The following FAR2 variants were observed in gnomAD, a reference collection of about 807,000 sequenced individuals.
FAR2 encodes the protein fatty acyl-CoA reductase 2.
Under a neutral mutation model 56.0 loss-of-function variants are expected in FAR2, and 19 were observed. The ratio of observed to expected loss-of-function variants is 0.34; its 90% CI spans 0.24 to 0.50. The LOEUF (loss-of-function observed/expected upper bound fraction) is 0.50. FAR2 is among the 20% of genes least tolerant of loss of function. The probability of loss-of-function intolerance (pLI) is 0.98; values close to 1 mark genes in which losing one functional copy is unlikely to be tolerated. For missense variants in FAR2, 508 were observed against 642.2 expected (o/e 0.79, Z 2.26); for synonymous variants, 219 against 218.8 (o/e 1.00, Z -0.01).
At chr12:29,327,129 A>T (rs1244123041) in intron 10 of FAR2, among the ~76,000 whole-genome samples, 2 of 152,246 alleles carry the variant, frequency 1.3e-5, no homozygotes, top group Non-Finnish European at 2.9e-5. Context: ...GGAGAGCCAA[A>T]TCATGAGTAA....
chr12:29,261,398 A>G (rs1053364112), intron 1 of FAR2, among the ~76,000 whole-genome samples: 7 of 152,196 alleles, frequency 4.6e-5, no homozygotes, highest in Non-Finnish European at 8.8e-5. Flanking sequence ...ACAAAAGATA[A>G]AAGAAGAAAA....
At chr12:29,228,491 C>T (rs535825980) in intron 1 of FAR2, among the ~76,000 whole-genome samples, 6 of 152,140 alleles carry the variant, frequency 3.9e-5, no homozygotes, top group Non-Finnish European at 8.8e-5. Flanking sequence ...ATGATTCATT[C>T]AAATTTGCTT....
At chr12:29,151,603 A>G (rs1949681909) in intron 1 of FAR2, 1 of 152,212 alleles carries the variant, frequency 6.6e-6, no homozygotes, top group Non-Finnish European at 1.5e-5. Context: ...ACTGGGTCCT[A>G]CAAATTATAT....
intron 1 of FAR2, among the ~76,000 whole-genome samples, chr12:29,254,970 T>C (rs10843366): frequency 0.33 from 49,082 of 150,898 alleles, 8,266 homozygotes; most frequent in Non-Finnish European, 0.37. Context: ...AAAAAAAGTT[T>C]ACTCCAGAAA....
chr12:29,157,211 G>GA (rs1262747756), intron 1 of FAR2, among the ~76,000 whole-genome samples: 4 of 141,452 alleles, frequency 2.8e-5, no homozygotes, highest in Non-Finnish European at 4.6e-5. Context: ...GTTAAACAAT[G>GA]AAAAAAAAGC....
intron 1 of FAR2, among the ~76,000 whole-genome samples, chr12:29,191,117 C>G (rs544210773): frequency 6.6e-6 from 1 of 152,324 alleles, no homozygotes; most frequent in East Asian, 1.9e-4. Flanking sequence ...ACAGTGCTTT[C>G]CATACCTAGC....
rs1949928703 is a variant in FAR2 at position 29,175,437 on chromosome 12, A to ACGGC, written c.-39+26030_-39+26031insCGGC. Among the ~76,000 whole-genome samples, 3 of 152,316 alleles carry ACGGC rather than the reference A, an allele frequency of 2.0e-5. No individual in the cohort carries two copies. In the East Asian group the frequency reaches 5.8e-4, roughly 29 times the overall value. ...CTTCACGGCAAGTGTTACAGCTCTTAAAGGTGGTGTGGACCCAAAGAGTGA... is the reference window on the plus strand; with the variant it reads ...CTTCACGGCAAGTGTTACAGCTCTTACGGCAAGGTGGTGTGGACCCAAAGAGTGA... On this transcript the variant is annotated intron_variant, in intron 1 of 11. Coordinates refer to ENST00000536681, the MANE Select transcript of FAR2 (RefSeq NM_001271783.2).
At chr12:29,189,448 T>G (rs1243758570) in intron 1 of FAR2, among the ~76,000 whole-genome samples, 1 of 152,152 alleles carries the variant, frequency 6.6e-6, no homozygotes, top group African/African-American at 2.4e-5. Flanking sequence ...ACGCTCACCT[T>G]GTATTTTTCC....
chr12:29,273,952 G>A (rs1329377752), intron 2 of FAR2, among the ~76,000 whole-genome samples: 5 of 152,150 alleles, frequency 3.3e-5, no homozygotes, highest in South Asian at 4.1e-4. Context: ...TCCTTCTCTT[G>A]GTGGGTCACA....
chr12:29,296,866 A>G (rs1014019878), intron 3 of FAR2, among the ~76,000 whole-genome samples, 155 bp from the exon 4 acceptor site: 2 of 152,232 alleles, frequency 1.3e-5, no homozygotes, highest in African/African-American at 2.4e-5. Context: ...CGAGTATCAC[A>G]TAACTGTGTA....
intron 1 of FAR2, among the ~76,000 whole-genome samples, chr12:29,219,663 T>C (rs2136637763): frequency 6.6e-6 from 1 of 152,252 alleles, no homozygotes; most frequent in East Asian, 1.9e-4. Flanking sequence ...GAAATTTAGA[T>C]ATATTTAAAT....
In FAR2 at chr12:29,188,441, A is replaced by C. The variant is rs367857438; in HGVS notation, c.-39+39034A>C. Among the ~76,000 whole-genome samples, 4 of 152,212 alleles carry C rather than the reference A, an allele frequency of 2.6e-5. No individual in the cohort carries two copies. In the East Asian group the frequency reaches 7.7e-4, roughly 29 times the overall value. Reference sequence around the variant, plus strand: ...CTTTTTTTAAAAGTTTTTAAGATGAACTTAGGGATAATTTGATAATTTGGG... The same window carrying C: ...CTTTTTTTAAAAGTTTTTAAGATGACCTTAGGGATAATTTGATAATTTGGG... On this transcript the variant is annotated intron_variant, in intron 1 of 11. Coordinates refer to ENST00000536681, the MANE Select transcript of FAR2 (RefSeq NM_001271783.2).
chr12:29,216,015 T>C (rs1179817509), intron 1 of FAR2, among the ~76,000 whole-genome samples: 2 of 152,140 alleles, frequency 1.3e-5, no homozygotes, highest in African/African-American at 4.8e-5. Flanking sequence ...CACCCCAAAT[T>C]GTGCCACAGG....
chr12:29,246,380 C>T (rs1948128494), intron 1 of FAR2, among the ~76,000 whole-genome samples: 1 of 152,276 alleles, frequency 6.6e-6, no homozygotes, highest in East Asian at 1.9e-4. Context: ...CTTCTAATTT[C>T]ACCTCTTTCT....
chr12:29,184,483 G>C (rs562584701), intron 1 of FAR2, among the ~76,000 whole-genome samples: 1 of 138,214 alleles, frequency 7.2e-6, no homozygotes, highest in South Asian at 2.3e-4. Context: ...CGCCCAGGCT[G>C]GAGTGCAGTG....
intron 1 of FAR2, among the ~76,000 whole-genome samples, chr12:29,186,747 CTTTATTTATTATTTA>C (rs1434053467): frequency 2.6e-5 from 1 of 38,714 alleles, no homozygotes; most frequent in Non-Finnish European, 7.4e-5. Flanking sequence ...CAGCTTAGTT[CTTTATTTATTATTTA>C]TTTATTTATT....
intron 1 of FAR2, among the ~76,000 whole-genome samples, chr12:29,209,752 G>T (rs946235645): frequency 6.6e-6 from 1 of 151,682 alleles, no homozygotes; most frequent in Non-Finnish European, 1.5e-5. Flanking sequence ...AAAAGAATGC[G>T]TAAAAGAAAG....
chr12:29,301,010 A>G (rs1008047891), intron 4 of FAR2, among the ~76,000 whole-genome samples: 12 of 152,220 alleles, frequency 7.9e-5, no homozygotes, highest in African/African-American at 2.9e-4. Context: ...GCAGGCCTAA[A>G]GTCTCTGCTC....
intron 1 of FAR2, among the ~76,000 whole-genome samples, chr12:29,204,246 T>A (rs74795250): frequency 4.6e-5 from 7 of 151,928 alleles, no homozygotes; most frequent in African/African-American, 1.7e-4. Context: ...TTTTTTCAAG[T>A]ACCTCCTCTA....
Sources: gnomAD v4.1 joint callset for allele counts (sites outside exome capture counted in the v4.1 genomes callset) on GRCh38, gnomAD v4.1.1 for gene constraint, MANE v1.5 for transcripts, NCBI Gene and HGNC (gene_info 2026-07-23, HGNC 2026-07-21) for gene names.